DCTN1: variants seen among roughly 807,000 people sequenced by gnomAD.
DCTN1 encodes the protein 150 kDa dynein-associated polypeptide.
DCTN1 carries 61 observed loss-of-function variants against 161.2 expected under a neutral mutation model. That is an observed-to-expected ratio of 0.38 (90% CI 0.31 to 0.47). The LOEUF (loss-of-function observed/expected upper bound fraction) is 0.47. Ranked by LOEUF, DCTN1 falls within the 20% of genes least tolerant of loss-of-function variation. The pLI, the probability that DCTN1 is intolerant of heterozygous loss-of-function variation, is 0.99. For synonymous variants in DCTN1, 653 were observed against 632.4 expected (o/e 1.03, Z -0.49); for missense variants, 1,404 against 1,623.7 (o/e 0.86, Z 2.33).
intron 6 of DCTN1, chr2:74,373,280 T>C (rs1675003555): frequency 3.4e-5 from 14 of 413,732 alleles, no homozygotes; most frequent in South Asian, 2.8e-4. Context: ...GAAGGTCCCA[T>C]GAGACCAGTC....
chr2:74,386,336 C>A (rs1675729031), intron 1 of DCTN1, among the ~76,000 whole-genome samples: 1 of 152,192 alleles, frequency 6.6e-6, no homozygotes, highest in African/African-American at 2.4e-5. Context: ...ATCCTCTATG[C>A]CTCAATTTCC....
chr2:74,373,684 T>C (rs1277644189), intron 6 of DCTN1, among the ~76,000 whole-genome samples: 1 of 152,246 alleles, frequency 6.6e-6, no homozygotes, highest in Non-Finnish European at 1.5e-5. Context: ...TTCAGGTTAC[T>C]GCAAAATGGT....
intron 16 of DCTN1, 23 bp downstream of exon 16, chr2:74,368,705 A>AAC: frequency 6.2e-7 from 1 of 1,614,238 alleles, no homozygotes; most frequent in Middle Eastern, 1.6e-4. Context: ...ATTTCTGTGG[A>AAC]ACATGTGATT....
chr2:74,364,322 C>G (rs938738646), intron 26 of DCTN1: 3 of 158,568 alleles, frequency 1.9e-5, no homozygotes, highest in African/African-American at 7.2e-5. Flanking sequence ...TAGGTGAGGT[C>G]AGCTGACAAG....
chr2:74,368,211 T>C, intron 16 of DCTN1, 80 bp from the exon 17 acceptor site: 3 of 1,533,258 alleles, frequency 2.0e-6, no homozygotes, highest in Non-Finnish European at 2.6e-6. Context: ...TACTCAGAGC[T>C]TAACTATGTG....
At position 74,365,080 on chromosome 2, in the gene DCTN1, G is replaced by A. The variant is rs997533390; in HGVS notation, c.3191C>T (p.Ala1064Val). 3 of 1,614,116 alleles carry A rather than the reference G, an allele frequency of 1.9e-6. No homozygotes were observed. Among genetic ancestry groups the A allele is most frequent in the Non-Finnish European group, 2.5e-6 (3 of 1,180,022 alleles). ...GCCTATTCCACAGTACTCACCACCA[G>A]CAATGCCAGAGACCAGAGTAGCAAT... ...SGIATLVSGI[A>V]GEEQQRGAIP... Residue 1064 changes from alanine (A) to valine (V), a missense_variant, in exon 26 of 32, where the codon GCT (alanine) becomes GTT (valine). This residue lies in a region of DCTN1 where 311 missense variants were observed against 298.9 expected (regional missense o/e 1.04). Transcript: ENST00000628224.
In DCTN1 at chr2:74,374,045, G is replaced by A. The variant is rs531558993; in HGVS notation, c.432+278C>T. On this transcript the variant is annotated intron_variant, in intron 6 of 31. Coordinates refer to ENST00000628224, the MANE Select transcript of DCTN1 (RefSeq NM_004082.5). ...TACCACAGGAAACCCTCCCAGATCC[G>A]GTATGCGGTAGAGGCTGCCTGAAGC... The A allele has an allele frequency of 3.9e-5, 19 of 482,852 alleles. No homozygotes were observed. The East Asian group carries it at 7.2e-4, about 18-fold the overall frequency. 29.9% of individuals were successfully genotyped at this position (482,852 alleles called of 1,614,324 possible).
rs1345909454 is a variant in DCTN1 at position 74,368,830 on chromosome 2, G to A, written c.1752C>T (p.His584=). The change falls in exon 16 of 32, where the codon CAC becomes CAT. Residue 584 remains histidine, a synonymous_variant. Coordinates refer to ENST00000628224, the MANE Select transcript of DCTN1 (RefSeq NM_004082.5). The part of the protein sequence containing the change: ...RQMEVAQANR[H]MSLLTAFMPD... Reference sequence around the variant, plus strand: ...GCATGAAGGCTGTCAGCAGGGACATGTGTCGATTGGCCTGGGCCACCTCCA... The same window carrying A: ...GCATGAAGGCTGTCAGCAGGGACATATGTCGATTGGCCTGGGCCACCTCCA... The A allele has an allele frequency of 1.2e-6, 2 of 1,614,168 alleles. No homozygotes were observed. Among genetic ancestry groups the A allele is most frequent in the Non-Finnish European group, 1.7e-6 (2 of 1,180,062 alleles).
chr2:74,368,325 G>GA, intron 16 of DCTN1, 194 bp from the exon 17 acceptor site: 1 of 735,846 alleles, frequency 1.4e-6, no homozygotes, highest in South Asian at 1.8e-5. Context: ...AGGTTGTGAG[G>GA]AGTCAGGATG....
upstream of DCTN1, among the ~76,000 whole-genome samples, chr2:74,381,627 C>T (rs1351343916): frequency 1.3e-5 from 2 of 152,112 alleles, no homozygotes; most frequent in East Asian, 3.9e-4. Flanking sequence ...GTCTATAGGA[C>T]ACCTTAAAAA....
At position 74,372,873 on chromosome 2, in the gene DCTN1, C is replaced by T. The variant is rs1053474876; in HGVS notation, c.453+55G>A. 3.2e-6 allele frequency: 5 copies of T among 1,582,432 alleles called. No individual in the cohort carries two copies. The Admixed American group carries it at 5.0e-5, about 16-fold the overall frequency. On this transcript the variant is annotated intron_variant, in intron 7 of 31. Transcript: ENST00000628224. ...ACACGTGCCCTCATACATCCACATG[C>T]CTGAAACGTGTGTGTACACTCAGCA...
In DCTN1 at chr2:74,361,467, G is replaced by A. The variant is rs1673981589; in HGVS notation, c.*32C>T. On this transcript the variant is annotated 3_prime_UTR_variant, in exon 32 of 32. Coordinates refer to ENST00000628224, the MANE Select transcript of DCTN1 (RefSeq NM_004082.5). ...GGGCAGAGCGGCACCAGAGGGCTGA[G>A]GGTCGAAGGGGACAGCAGGGGAAAG... 3 of 1,613,556 alleles carry A rather than the reference G, an allele frequency of 1.9e-6. No individual in the cohort carries two copies. Among genetic ancestry groups the A allele is most frequent in the Non-Finnish European group, 2.5e-6 (3 of 1,179,992 alleles).
intron 19 of DCTN1, 27 bp from the exon 20 acceptor site, chr2:74,367,134 C>A: frequency 6.2e-7 from 1 of 1,613,666 alleles, no homozygotes; most frequent in Non-Finnish European, 8.5e-7. Flanking sequence ...ATGCAATCAT[C>A]AGCCCCCAGC....
rs764265949 is a variant in DCTN1 at position 74,369,532 on chromosome 2, G to A, written c.1393-41C>T. Reference sequence around the variant, plus strand: ...ATAGTTTGGGCTAAAGAAAGGCAGGGTCGGCCAGCGGCGGTGGTTCACACC... The same window carrying A: ...ATAGTTTGGGCTAAAGAAAGGCAGGATCGGCCAGCGGCGGTGGTTCACACC... On this transcript the variant is annotated intron_variant, in intron 13 of 31. Transcript: ENST00000628224. The surrounding 1 kb of genome is among the most constrained non-coding windows in gnomAD (Gnocchi z 4.9). 1 of 1,601,764 alleles carries A rather than the reference G, an allele frequency of 6.2e-7. No individual in the cohort carries two copies. Among genetic ancestry groups the A allele is most frequent in the South Asian group, 1.1e-5 (1 of 90,998 alleles).
At chr2:74,363,254 G>T in intron 28 of DCTN1, 40 bp downstream of exon 28, 1 of 1,614,040 alleles carries the variant, frequency 6.2e-7, no homozygotes, top group Non-Finnish European at 8.5e-7. Flanking sequence ...GGGCAAATAT[G>T]CTCCATCTCC....
rs369113498 is a variant in DCTN1, at chr2:74,366,429, C to T, written c.2628+30G>A. On this transcript the variant is annotated intron_variant, in intron 22 of 31. Transcript: ENST00000628224. ...CCCCACACTGGTCACTAACTCTCCCCACACCTTCTACCCAGCCATCCAGGC... is the reference window on the plus strand; with the variant it reads ...CCCCACACTGGTCACTAACTCTCCCTACACCTTCTACCCAGCCATCCAGGC... 922 of 1,614,202 alleles carry T rather than the reference C, an allele frequency of 5.7e-4. 1 individual carries two copies. Among genetic ancestry groups the T allele is most frequent in the Non-Finnish European group, 7.3e-4 (858 of 1,180,032 alleles).
intron 6 of DCTN1, chr2:74,373,278 C>G (rs1051052545): frequency 7.2e-6 from 3 of 417,420 alleles, no homozygotes; most frequent in African/African-American, 2.0e-5. Flanking sequence ...GAGAAGGTCC[C>G]ATGAGACCAG....
In DCTN1 at chr2:74,363,090, C is replaced by T. The variant is rs1299575671; in HGVS notation, c.3433G>A (p.Ala1145Thr). Reference sequence around the variant, plus strand: ...CTGGTCTTACGATACAGCGCTCCAGCTGGTAACTCACTGCCAGGGCCCTCA... The same window carrying T: ...CTGGTCTTACGATACAGCGCTCCAGTTGGTAACTCACTGCCAGGGCCCTCA... The part of the protein sequence containing the change: ...SHEGPGSELP[A>T]GALYRKTSQL... Residue 1145 changes from alanine to threonine, a missense_variant, in exon 29 of 32, where the codon GCT becomes ACT. By Grantham distance (58) the Ala-to-Thr change is moderately conservative. Around this residue, in one of 9 missense-constraint regions of DCTN1, gnomAD observed 311 missense variants for 298.9 expected, o/e 1.04. Transcript: ENST00000628224. 6.2e-7 allele frequency: 1 copy of T among 1,613,748 alleles called. No homozygotes were observed. The highest frequency in any genetic ancestry group is 8.5e-7 in the Non-Finnish European group (1 of 1,179,816).
At chr2:74,364,778 T>C (rs1295154357) in intron 26 of DCTN1, 1 of 448,186 alleles carries the variant, frequency 2.2e-6, no homozygotes, top group Non-Finnish European at 4.1e-6. Flanking sequence ...GATATAGGGC[T>C]GGGCAGAAAG....
Sources: allele counts gnomAD v4.1 joint callset (sites outside exome capture counted in the v4.1 genomes callset), GRCh38; gene constraint gnomAD v4.1.1; regional missense constraint gnomAD v4.1.1; non-coding constraint Gnocchi (gnomAD v3.1); transcripts MANE v1.5; gene names NCBI Gene and HGNC (gene_info 2026-07-23, HGNC 2026-07-21).